Variants in NLRP7 observed in about 807,000 individuals in gnomAD.
NLRP7 encodes the protein NACHT, LRR and PYD domains-containing protein 7.
NLRP7 carries 72 observed loss-of-function variants against 85.5 expected under a neutral mutation model. The observed-to-expected ratio is 0.84, with a 90% CI of 0.70 to 1.02. The LOEUF (loss-of-function observed/expected upper bound fraction) is 1.02, where lower values mean the gene tolerates loss of function less well. Among genes scored for constraint, NLRP7 ranks in the 50% least tolerant of loss-of-function variants. The probability of loss-of-function intolerance (pLI) is 0.00; values close to 1 mark genes in which losing one functional copy is unlikely to be tolerated. For synonymous variants in NLRP7, 550 were observed against 505.2 expected, an observed-to-expected ratio of 1.09 and a Z score of -1.19; for missense variants, 1,243 against 1,219.5, an observed-to-expected ratio of 1.02 and a Z score of -0.29.
chr19:54,924,932 G>A (rs922391158), intron 9 of NLRP7, among the ~76,000 whole-genome samples: 2 of 152,088 alleles, frequency 1.3e-5, no homozygotes, highest in African/African-American at 2.4e-5. Context: ...GCGAGACTCT[G>A]CCTCCAAATA....
intron 1 of NLRP7, among the ~76,000 whole-genome samples, chr19:54,953,836 TAAAA>T (rs759921881): frequency 1.4e-5 from 2 of 139,132 alleles, no homozygotes; most frequent in African/African-American, 2.6e-5. Context: ...CCATCTCTAC[TAAAA>T]AAAAAAAATA....
intron 8 of NLRP7, among the ~76,000 whole-genome samples, chr19:54,931,490 G>C (rs2068675093): frequency 6.6e-6 from 1 of 152,158 alleles, no homozygotes; most frequent in African/African-American, 2.4e-5. Flanking sequence ...GGGAGTTCAA[G>C]ACCAGCCTAA....
At chr19:54,954,528 C>CAAA (rs35846819) in intron 1 of NLRP7, among the ~76,000 whole-genome samples, 490 of 47,352 alleles carry the variant, frequency 0.01, 16 homozygotes, top group African/African-American at 0.035. Flanking sequence ...GACTCCGTCT[C>CAAA]AAAAAAAAAA....
intron 5 of NLRP7, among the ~76,000 whole-genome samples, chr19:54,937,075 G>A (rs554213983): frequency 5.9e-5 from 9 of 151,770 alleles, no homozygotes; most frequent in East Asian, 5.8e-4. Flanking sequence ...AAAACTAGCC[G>A]GGCGTGGTGG....
At chr19:54,945,768 T>C (rs777516759) in intron 1 of NLRP7, among the ~76,000 whole-genome samples, 26 of 150,976 alleles carry the variant, frequency 1.7e-4, no homozygotes, top group Non-Finnish European at 3.4e-4. Flanking sequence ...CGGGCTAGTT[T>C]TTGTATTTTT....
intron 1 of NLRP7, among the ~76,000 whole-genome samples, chr19:54,956,358 T>C (rs751910932): frequency 9.9e-5 from 15 of 152,108 alleles, no homozygotes; most frequent in East Asian, 3.9e-4. Flanking sequence ...GGGAGAAACA[T>C]ACATTTTTGG....
chr19:54,940,547 C>G, intron 3 of NLRP7, 81 bp from the exon 4 acceptor site: 4 of 1,493,128 alleles, frequency 2.7e-6, no homozygotes, highest in Non-Finnish European at 3.7e-6. Flanking sequence ...GAAATGAGGG[C>G]CAGGCACGGT....
chr19:54,931,557 A>G (rs1173797922), intron 8 of NLRP7, among the ~76,000 whole-genome samples: 1 of 151,866 alleles, frequency 6.6e-6, no homozygotes, highest in South Asian at 2.1e-4. Flanking sequence ...GTGTGGTGGC[A>G]CATGCCTGTA....
chr19:54,961,423 G>A (rs567742795), intron 1 of NLRP7, among the ~76,000 whole-genome samples: 53 of 151,982 alleles, frequency 3.5e-4, no homozygotes, highest in African/African-American at 1.1e-3. Context: ...ACTTGAACCC[G>A]GGAGGCAGAG....
At chr19:54,956,462 G>A (rs1237028791) in intron 1 of NLRP7, among the ~76,000 whole-genome samples, 1 of 152,128 alleles carries the variant, frequency 6.6e-6, no homozygotes. Context: ...GGCCAAGGCA[G>A]GCGGATCACT....
intron 1 of NLRP7, among the ~76,000 whole-genome samples, chr19:54,961,576 C>T (rs1171328805): frequency 2.6e-5 from 4 of 151,730 alleles, no homozygotes; most frequent in African/African-American, 9.7e-5. Context: ...GTGGTTCACA[C>T]CTGTAATCCC....
chr19:54,958,336 A>G (rs2069925251), intron 1 of NLRP7, among the ~76,000 whole-genome samples: 1 of 151,976 alleles, frequency 6.6e-6, no homozygotes, highest in Non-Finnish European at 1.5e-5. Context: ...CAGTAACAAT[A>G]ATAGCATTAA....
Position 54,957,979 on chromosome 19 carries a change from G to A in NLRP7, c.-77+8061C>T, listed in dbSNP as rs62124620. ...GCCTGTAATTCCAGCACTTTGGGAGGCCCAGGTGGGTGGATCACCTGAGGT... is the reference window on the plus strand; with the variant it reads ...GCCTGTAATTCCAGCACTTTGGGAGACCCAGGTGGGTGGATCACCTGAGGT... On this transcript the variant is annotated intron_variant, in intron 1 of 2. Transcript: ENST00000587103. Among the ~76,000 whole-genome samples the A allele has an allele frequency of 6.1e-3, 926 of 152,156 alleles. 9 individuals are homozygous for A. The highest frequency in any genetic ancestry group is 7.9e-3 in the South Asian group (38 of 4,816).
At chr19:54,947,286 C>A (rs978550336) in intron 1 of NLRP7, among the ~76,000 whole-genome samples, 183 bp downstream of exon 1, 1 of 151,602 alleles carries the variant, frequency 6.6e-6, no homozygotes, top group African/African-American at 2.4e-5. Context: ...AAGATCACGC[C>A]ACTGCACTCC....
intron 1 of NLRP7, among the ~76,000 whole-genome samples, chr19:54,943,270 G>A (rs536050257): frequency 4.5e-4 from 69 of 151,910 alleles, no homozygotes; most frequent in African/African-American, 1.6e-3. Flanking sequence ...GCCACTGCAC[G>A]CCAGCCTGGG....
rs368182258 is a variant in NLRP7 at position 54,940,456 on chromosome 19, T to A, written c.363A>T (p.Glu121Asp). Reference sequence around the variant, plus strand: ...GTTTCTCCATTGAATTTCTCCATCCTTCCTTTTCACCTGCAGTGACAGCCC... The same window carrying A: ...GTTTCTCCATTGAATTTCTCCATCCATCCTTTTCACCTGCAGTGACAGCCC... Residue 121 changes from glutamate (E) to aspartate (D), a missense_variant, in exon 4 of 10, where the codon GAA (glutamate) becomes GAT (aspartate). Glu to Asp is a conservative substitution (Grantham distance 45). Coordinates refer to ENST00000340844, the Ensembl canonical transcript of NLRP7. The A allele has an allele frequency of 3.1e-6, 5 of 1,613,810 alleles. No individual in the cohort carries two copies. The African/African-American group carries it at 6.7e-5, about 22-fold the overall frequency.
At chr19:54,935,560 G>A (rs1450806412) in intron 6 of NLRP7, among the ~76,000 whole-genome samples, 3 of 148,882 alleles carry the variant, frequency 2.0e-5, no homozygotes, top group Admixed American at 6.7e-5. Context: ...GCCAGGCGTG[G>A]TGGTGCACGC....
At chr19:54,941,047 C>A in intron 2 of NLRP7, 42 bp from the exon 3 acceptor site, 1 of 1,342,086 alleles carries the variant, frequency 7.5e-7, no homozygotes, top group Non-Finnish European at 1.1e-6. Flanking sequence ...GTAATTTACA[C>A]TTCGTAAATC....
chr19:54,963,458 G>A (rs1455856142), intron 1 of NLRP7, among the ~76,000 whole-genome samples: 7 of 152,078 alleles, frequency 4.6e-5, no homozygotes, highest in African/African-American at 7.2e-5. Context: ...GGGAGGCCGA[G>A]GCGGGCGGAT....
Sources: gnomAD v4.1 joint callset for allele counts (sites outside exome capture counted in the v4.1 genomes callset) on GRCh38, gnomAD v4.1.1 for gene constraint, MANE v1.5 for transcripts, NCBI Gene and HGNC (gene_info 2026-07-23, HGNC 2026-07-21) for gene names.